The following WDR7 variants were observed in gnomAD, a reference collection of about 807,000 sequenced individuals.
WDR7 encodes WD repeat-containing protein 7.
Under a neutral mutation model 169.4 loss-of-function variants are expected in WDR7, and 46 were observed. That is an observed-to-expected ratio of 0.27 (90% confidence interval 0.21 to 0.35). The LOEUF is 0.35. WDR7 is among the 10% of genes least tolerant of loss of function. WDR7 has a pLI of 1.00. For synonymous variants in WDR7, 612 were observed against 666.8 expected (o/e 0.92, Z 1.27); for missense variants, 1,534 against 1,859.3 (o/e 0.83, Z 3.22).
At chr18:56,974,788 C>G (rs913348801) in intron 26 of WDR7, among the ~76,000 whole-genome samples, 1 of 152,116 alleles carries the variant, frequency 6.6e-6, no homozygotes, top group African/African-American at 2.4e-5. Flanking sequence ...GAACGACTAC[C>G]TGGGTGGGCA....
chr18:56,716,129 T>G (rs2026186933), intron 12 of WDR7, among the ~76,000 whole-genome samples: 1 of 152,080 alleles, frequency 6.6e-6, no homozygotes, highest in Non-Finnish European at 1.5e-5. Flanking sequence ...CCATTTTGTT[T>G]TGATTTGTTA....
intron 16 of WDR7, 83 bp downstream of exon 16, chr18:56,759,036 A>G: frequency 8.9e-7 from 1 of 1,129,454 alleles, no homozygotes; most frequent in Non-Finnish European, 1.3e-6. Context: ...TAATCATAAT[A>G]TTTGTTTGTC....
intron 12 of WDR7, among the ~76,000 whole-genome samples, chr18:56,700,695 G>A (rs376665798): frequency 2.7e-5 from 4 of 147,412 alleles, no homozygotes; most frequent in Non-Finnish European, 4.5e-5. Context: ...TCAGCCTCCC[G>A]AGTAGCTGGG....
chr18:56,988,568 A>C (rs1030439570), intron 26 of WDR7, among the ~76,000 whole-genome samples: 1 of 150,084 alleles, frequency 6.7e-6, no homozygotes, highest in African/African-American at 2.5e-5. Flanking sequence ...GTTTCCTCAG[A>C]AGAAAGACCT....
intron 20 of WDR7, among the ~76,000 whole-genome samples, chr18:56,851,668 AT>A (rs764630232): frequency 2.6e-5 from 4 of 152,146 alleles, no homozygotes; most frequent in African/African-American, 4.8e-5. Flanking sequence ...ATGTCCCTAA[AT>A]GCCTGTAATG....
At chr18:57,031,501 C>G (rs1416946093), downstream of WDR7, 1 of 152,150 alleles carries the variant, frequency 6.6e-6, no homozygotes, top group Non-Finnish European at 1.5e-5. Context: ...CAGACAAGCT[C>G]AGAAGGACAA....
intron 27 of WDR7, among the ~76,000 whole-genome samples, chr18:57,023,444 G>A (rs192015217): frequency 1.3e-5 from 2 of 152,338 alleles, no homozygotes; most frequent in East Asian, 3.9e-4. Context: ...AATTACTCAA[G>A]TGAGACTTAG....
intron 13 of WDR7, among the ~76,000 whole-genome samples, chr18:56,730,316 T>A (rs567040250): frequency 6.6e-6 from 1 of 152,274 alleles, no homozygotes; most frequent in Non-Finnish European, 1.5e-5. Context: ...TTTGATAAGA[T>A]GGCCAGAGAA....
chr18:56,850,629 C>A (rs2045627050), intron 20 of WDR7, among the ~76,000 whole-genome samples: 1 of 152,130 alleles, frequency 6.6e-6, no homozygotes, highest in Non-Finnish European at 1.5e-5. Flanking sequence ...CTTGCCTTAG[C>A]CTCCTGAGTA....
At chr18:56,747,006 C>T (rs2043715132) in intron 14 of WDR7, among the ~76,000 whole-genome samples, 1 of 152,212 alleles carries the variant, frequency 6.6e-6, no homozygotes, top group African/African-American at 2.4e-5. Flanking sequence ...CAGAGGACCA[C>T]ACCATATTGC....
At chr18:56,995,298 C>T (rs1385894662) in intron 26 of WDR7, among the ~76,000 whole-genome samples, 1 of 152,150 alleles carries the variant, frequency 6.6e-6, no homozygotes, top group Non-Finnish European at 1.5e-5. Flanking sequence ...TGCTTATTCC[C>T]TGATATTCCA....
chr18:56,752,985 G>A (rs993419554), intron 14 of WDR7, among the ~76,000 whole-genome samples: 1 of 152,228 alleles, frequency 6.6e-6, no homozygotes, highest in Non-Finnish European at 1.5e-5. Context: ...TATAGGGATT[G>A]TGGTGAGAGA....
At chr18:56,684,691 C>T (rs925164029) in intron 5 of WDR7, among the ~76,000 whole-genome samples, 1 of 152,094 alleles carries the variant, frequency 6.6e-6, no homozygotes, top group Admixed American at 6.6e-5. Flanking sequence ...CATTTCCTGC[C>T]GCTGTTCTTC....
chr18:56,992,636 T>G (rs2047835080), intron 26 of WDR7, among the ~76,000 whole-genome samples: 1 of 152,202 alleles, frequency 6.6e-6, no homozygotes. Context: ...TGGAGAACTA[T>G]TCCAGGTAAA....
At chr18:56,936,959 T>C (rs2046968699) in intron 23 of WDR7, among the ~76,000 whole-genome samples, 1 of 152,124 alleles carries the variant, frequency 6.6e-6, no homozygotes, top group African/African-American at 2.4e-5. Context: ...TGAGCATAAA[T>C]GGCCAATTTT....
chr18:56,796,257 G>A (rs2044584291), intron 19 of WDR7, among the ~76,000 whole-genome samples: 1 of 152,138 alleles, frequency 6.6e-6, no homozygotes. Flanking sequence ...TTCACTGTGA[G>A]GATATCTTCC....
intron 12 of WDR7, among the ~76,000 whole-genome samples, chr18:56,713,331 A>G (rs1377878450): frequency 6.6e-6 from 1 of 152,152 alleles, no homozygotes; most frequent in East Asian, 1.9e-4. Context: ...GACATTTGAG[A>G]AATGTTTATT....
intron 16 of WDR7, among the ~76,000 whole-genome samples, chr18:56,768,253 CT>C (rs899108072): frequency 6.6e-6 from 1 of 151,848 alleles, no homozygotes; most frequent in African/African-American, 2.4e-5. Flanking sequence ...AAAATTGGGT[CT>C]TTTTAAAAAA....
chr18:56,991,920 T>C (rs1009610297), intron 26 of WDR7, among the ~76,000 whole-genome samples: 2 of 152,254 alleles, frequency 1.3e-5, no homozygotes, highest in African/African-American at 4.8e-5. Context: ...GCTTTCAAAA[T>C]ATATTATTTT....
Sources: allele counts gnomAD v4.1 joint callset (sites outside exome capture counted in the v4.1 genomes callset), GRCh38; gene constraint gnomAD v4.1.1; transcripts MANE v1.5; gene names NCBI Gene and HGNC (gene_info 2026-07-23, HGNC 2026-07-21).